Variants in GRIN2A observed in about 807,000 individuals in gnomAD.
GRIN2A encodes glutamate receptor ionotropic, NMDA 2A.
GRIN2A carries 22 observed loss-of-function variants against 113.4 expected under a neutral mutation model. The ratio of observed to expected loss-of-function variants is 0.19; its 90% CI spans 0.14 to 0.28. GRIN2A has a LOEUF of 0.28. GRIN2A is among the 10% of genes least tolerant of loss of function. The pLI is 1.00. For synonymous variants in GRIN2A, 827 were observed against 738.4 expected (o/e 1.12, Z -1.94); for missense variants, 1,502 against 1,887.0 (o/e 0.80, Z 3.78).
chr16:10,170,806 G>T (rs2050026273), intron 2 of GRIN2A, among the ~76,000 whole-genome samples: 1 of 151,816 alleles, frequency 6.6e-6, no homozygotes, highest in Admixed American at 6.6e-5. Context: ...AAGCCCAGGA[G>T]GTTGAGGCTG....
chr16:9,985,155 T>G (rs967344851), intron 2 of GRIN2A, among the ~76,000 whole-genome samples: 2 of 152,186 alleles, frequency 1.3e-5, no homozygotes, highest in East Asian at 3.8e-4. Flanking sequence ...CTCAGTTACG[T>G]TGGGCCCAAA....
rs1900337375 is a variant in GRIN2A at position 9,756,027 on chromosome 16, A to G, written c.*7122T>C. 4.5e-6 allele frequency: 1 copy of G among 221,172 alleles called. No homozygotes were observed. The highest frequency in any genetic ancestry group is 2.2e-5 in the African/African-American group (1 of 44,646). 13.7% of individuals were successfully genotyped at this position (221,172 alleles called of 1,614,324 possible). A position where few individuals can be genotyped will look rare whatever the true frequency, so the allele number is the denominator to read the frequency against. ...CTGCCTGGCAAAGATAACCAAACAT[A>G]GACATGAAATAGGAGGAATAGTCAA... On this transcript the variant is annotated 3_prime_UTR_variant, in exon 13 of 13. Transcript: ENST00000330684.
chr16:9,956,150 C>T (rs1339476493), intron 2 of GRIN2A, among the ~76,000 whole-genome samples: 2 of 152,184 alleles, frequency 1.3e-5, no homozygotes, highest in African/African-American at 4.8e-5. Context: ...AACAAGTAGA[C>T]TTTCTTCAAA....
At chr16:10,108,490 A>G (rs2048540689) in intron 2 of GRIN2A, among the ~76,000 whole-genome samples, 1 of 152,218 alleles carries the variant, frequency 6.6e-6, no homozygotes, top group Non-Finnish European at 1.5e-5. Context: ...TGCCTCAAGA[A>G]TCACACAGCT....
At chr16:10,114,308 G>C (rs878892130) in intron 2 of GRIN2A, among the ~76,000 whole-genome samples, 1 of 152,200 alleles carries the variant, frequency 6.6e-6, no homozygotes, top group Non-Finnish European at 1.5e-5. Context: ...CCCCACAGGG[G>C]AGCCTGCTTG....
At chr16:10,101,648 C>G (rs530422809) in intron 2 of GRIN2A, among the ~76,000 whole-genome samples, 1 of 152,308 alleles carries the variant, frequency 6.6e-6, no homozygotes, top group African/African-American at 2.4e-5. Context: ...CAATTATAAA[C>G]TTGGGACAAG....
At chr16:10,110,058 C>G (rs901072624) in intron 2 of GRIN2A, among the ~76,000 whole-genome samples, 1 of 151,922 alleles carries the variant, frequency 6.6e-6, no homozygotes, top group Non-Finnish European at 1.5e-5. Flanking sequence ...CCCATCCCCC[C>G]ACCCCACAAC....
rs115241076 is a variant in GRIN2A, at chr16:9,877,235, A to T, written c.1122+13751T>A. On this transcript the variant is annotated intron_variant, in intron 4 of 12. Transcript: ENST00000330684. ...GGCTAAAGTGAAATAATAAGTACAGAAGGCCATACTGTAAGGTTTGGTATA... is the reference window on the plus strand; with the variant it reads ...GGCTAAAGTGAAATAATAAGTACAGTAGGCCATACTGTAAGGTTTGGTATA... 6.9e-3 allele frequency among the ~76,000 whole-genome samples: 1,048 copies of T among 152,316 alleles called. 9 individuals carry two copies. The highest frequency in any genetic ancestry group is 0.024 in the African/African-American group (977 of 41,562).
At chr16:10,125,958 G>T (rs1053033278) in intron 2 of GRIN2A, among the ~76,000 whole-genome samples, 2 of 151,968 alleles carry the variant, frequency 1.3e-5, no homozygotes, top group Non-Finnish European at 2.9e-5. Flanking sequence ...CCAGGAGGTG[G>T]GAGACAAAAT....
chr16:10,101,431 G>A (rs556968187), intron 2 of GRIN2A, among the ~76,000 whole-genome samples: 3 of 152,162 alleles, frequency 2.0e-5, no homozygotes, highest in South Asian at 4.1e-4. Flanking sequence ...TGTCCCAAAG[G>A]ATGAAAACCT....
chr16:9,879,938 G>A (rs959353819), intron 4 of GRIN2A, among the ~76,000 whole-genome samples: 1 of 152,120 alleles, frequency 6.6e-6, no homozygotes, highest in East Asian at 1.9e-4. Context: ...TTAAATTCTA[G>A]CATAGTCCTT....
At chr16:10,114,971 G>T (rs1249982074) in intron 2 of GRIN2A, among the ~76,000 whole-genome samples, 1 of 152,134 alleles carries the variant, frequency 6.6e-6, no homozygotes, top group Non-Finnish European at 1.5e-5. Context: ...GTCAACACTG[G>T]ACCCACGTCC....
intron 4 of GRIN2A, among the ~76,000 whole-genome samples, chr16:9,875,323 C>A (rs902189874): frequency 1.3e-5 from 2 of 152,074 alleles, no homozygotes; most frequent in African/African-American, 2.4e-5. Flanking sequence ...GCTTAGAGAC[C>A]AATGCTGAGA....
At chr16:10,063,423 G>A (rs562244009) in intron 2 of GRIN2A, among the ~76,000 whole-genome samples, 3 of 152,224 alleles carry the variant, frequency 2.0e-5, no homozygotes, top group Admixed American at 6.5e-5. Flanking sequence ...CATGAGCCCC[G>A]CCTAGCCATT....
chr16:9,985,044 A>G (rs4782150), intron 2 of GRIN2A, among the ~76,000 whole-genome samples: 22,635 of 151,792 alleles, frequency 0.15, 1,798 homozygotes, highest in Middle Eastern at 0.2. Flanking sequence ...GCATGCGTGC[A>G]CACACACACA....
intron 2 of GRIN2A, among the ~76,000 whole-genome samples, chr16:9,988,453 A>G (rs949310331): frequency 6.6e-6 from 1 of 152,196 alleles, no homozygotes; most frequent in Non-Finnish European, 1.5e-5. Context: ...ACAGAACACC[A>G]GAAACCTTCC....
At chr16:9,972,513 G>A (rs1303853348) in intron 2 of GRIN2A, among the ~76,000 whole-genome samples, 1 of 151,856 alleles carries the variant, frequency 6.6e-6, no homozygotes, top group Non-Finnish European at 1.5e-5. Flanking sequence ...CACTTAATGA[G>A]GTAAAGGAAA....
At chr16:9,833,411 T>C (rs1567332169) in intron 8 of GRIN2A, among the ~76,000 whole-genome samples, 1 of 152,234 alleles carries the variant, frequency 6.6e-6, no homozygotes, top group African/African-American at 2.4e-5. Flanking sequence ...GTTTGAGGAA[T>C]GTTCTTAAAC....
chr16:9,990,083 T>C (rs2046071286), intron 2 of GRIN2A, among the ~76,000 whole-genome samples: 3 of 152,210 alleles, frequency 2.0e-5, no homozygotes, highest in Admixed American at 2.0e-4. Context: ...CCTGCACTCA[T>C]ATGTTTATCA....
Sources: gnomAD v4.1 joint callset for allele counts (sites outside exome capture counted in the v4.1 genomes callset) on GRCh38, gnomAD v4.1.1 for gene constraint, MANE v1.5 for transcripts, NCBI Gene and HGNC (gene_info 2026-07-23, HGNC 2026-07-21) for gene names.